The following EFNA5 variants were observed in gnomAD, a reference collection of about 807,000 sequenced individuals.
The protein encoded by EFNA5 is ephrin-A5.
Under a neutral mutation model 22.9 loss-of-function variants are expected in EFNA5, and 5 were observed. That is an observed-to-expected ratio of 0.22 (90% CI 0.11 to 0.46). EFNA5 has a LOEUF of 0.46. Among genes scored for constraint, EFNA5 ranks in the 20% least tolerant of loss-of-function variants. The pLI is 0.99. For synonymous variants in EFNA5, 113 were observed against 112.2 expected (o/e 1.01, Z -0.04); for missense variants, 237 against 293.3 (o/e 0.81, Z 1.40).
At chr5:107,491,062 A>C (rs1746791974) in intron 1 of EFNA5, among the ~76,000 whole-genome samples, 1 of 152,236 alleles carries the variant, frequency 6.6e-6, no homozygotes, top group African/African-American at 2.4e-5. Context: ...TGTGATATGA[A>C]GTGATTTATG....
At chr5:107,399,619 T>G (rs1346903093) in intron 2 of EFNA5, among the ~76,000 whole-genome samples, 1 of 152,154 alleles carries the variant, frequency 6.6e-6, no homozygotes, top group Non-Finnish European at 1.5e-5. Context: ...TGATCACAGG[T>G]AAGGGTGACA....
At chr5:107,650,943 T>C (rs1446116876) in intron 1 of EFNA5, among the ~76,000 whole-genome samples, 2 of 152,240 alleles carry the variant, frequency 1.3e-5, no homozygotes, top group African/African-American at 4.8e-5. Context: ...ATACTAGTTA[T>C]TTGTAGTGGA....
intron 2 of EFNA5, among the ~76,000 whole-genome samples, chr5:107,411,686 C>A (rs1395820613): frequency 6.6e-6 from 1 of 152,170 alleles, no homozygotes; most frequent in Non-Finnish European, 1.5e-5. Flanking sequence ...CTTGGTTGCC[C>A]AGGCTGGAGT....
intron 1 of EFNA5, among the ~76,000 whole-genome samples, chr5:107,556,347 A>C (rs1748414489): frequency 6.6e-6 from 1 of 152,208 alleles, no homozygotes; most frequent in Non-Finnish European, 1.5e-5. Context: ...AACCACCACC[A>C]AAAACCTGCA....
At chr5:107,597,291 A>G (rs1200358850) in intron 1 of EFNA5, among the ~76,000 whole-genome samples, 1 of 152,218 alleles carries the variant, frequency 6.6e-6, no homozygotes, top group African/African-American at 2.4e-5. Flanking sequence ...GCAAAGACAG[A>G]TAACATACAC....
chr5:107,502,512 A>G (rs1747158231), intron 1 of EFNA5, among the ~76,000 whole-genome samples: 1 of 152,200 alleles, frequency 6.6e-6, no homozygotes, highest in African/African-American at 2.4e-5. Context: ...TTTACTCATT[A>G]CATTACGAAG....
intron 2 of EFNA5, among the ~76,000 whole-genome samples, chr5:107,405,033 T>C (rs1748172447): frequency 1.3e-5 from 2 of 152,248 alleles, no homozygotes; most frequent in Non-Finnish European, 2.9e-5. Flanking sequence ...CTTTATGATG[T>C]GCTCCTAAGT....
chr5:107,576,008 C>T (rs761879408), intron 1 of EFNA5, among the ~76,000 whole-genome samples: 2 of 152,112 alleles, frequency 1.3e-5, no homozygotes, highest in Non-Finnish European at 2.9e-5. Context: ...GGAGGAAATG[C>T]CAGGCAAACA....
intron 1 of EFNA5, among the ~76,000 whole-genome samples, chr5:107,636,269 A>G (rs1320818030): frequency 4.6e-5 from 7 of 152,220 alleles, no homozygotes; most frequent in Non-Finnish European, 7.3e-5. Flanking sequence ...AAGTCCTTGA[A>G]TCAAGATGCA....
intron 1 of EFNA5, among the ~76,000 whole-genome samples, chr5:107,597,098 C>T (rs1169909476): frequency 6.6e-6 from 1 of 152,056 alleles, no homozygotes; most frequent in African/African-American, 2.4e-5. Context: ...GAACCACGCA[C>T]ATAAAAACTG....
intron 1 of EFNA5, among the ~76,000 whole-genome samples, chr5:107,650,666 G>A (rs907183790): frequency 1.6e-4 from 25 of 152,134 alleles, no homozygotes; most frequent in African/African-American, 6.0e-4. Context: ...AATAATTTAG[G>A]TTGACTATAG....
chr5:107,670,209 G>A (rs62357862), intron 1 of EFNA5, among the ~76,000 whole-genome samples: 14,875 of 152,062 alleles, frequency 0.098, 855 homozygotes, highest in Middle Eastern at 0.18. Context: ...CCTACTCCCC[G>A]GCTCCCGCCC....
At chr5:107,539,234 G>C (rs567470988) in intron 1 of EFNA5, among the ~76,000 whole-genome samples, 11 of 152,348 alleles carry the variant, frequency 7.2e-5, no homozygotes, top group African/African-American at 2.6e-4. Context: ...ATGCTAAAAA[G>C]AGCTGCACCA....
At chr5:107,495,463 C>T (rs1746951534) in intron 1 of EFNA5, among the ~76,000 whole-genome samples, 1 of 152,236 alleles carries the variant, frequency 6.6e-6, no homozygotes, top group Non-Finnish European at 1.5e-5. Flanking sequence ...TCGCGAGGGT[C>T]CGCGGCCTCA....
chr5:107,396,290 A>C (rs184961655), intron 2 of EFNA5, among the ~76,000 whole-genome samples: 1 of 152,286 alleles, frequency 6.6e-6, no homozygotes, highest in Non-Finnish European at 1.5e-5. Context: ...GTTTTGAGCC[A>C]GCTGCTTAAC....
At chr5:107,382,280 T>C (rs1305437537) in intron 4 of EFNA5, among the ~76,000 whole-genome samples, 1 of 152,242 alleles carries the variant, frequency 6.6e-6, no homozygotes, top group Admixed American at 6.5e-5. Flanking sequence ...GGTTGGAGGC[T>C]TGCCTAGGAG....
intron 1 of EFNA5, among the ~76,000 whole-genome samples, chr5:107,588,364 T>C (rs1411428589): frequency 1.3e-5 from 2 of 152,136 alleles, no homozygotes; most frequent in Non-Finnish European, 2.9e-5. Context: ...GATCTTCTCA[T>C]GATTTTTCTT....
intron 1 of EFNA5, among the ~76,000 whole-genome samples, chr5:107,453,111 G>A (rs1254549922): frequency 1.3e-5 from 2 of 151,828 alleles, no homozygotes; most frequent in Non-Finnish European, 2.9e-5. Flanking sequence ...CTATTTAACT[G>A]GATATTGAAA....
At chr5:107,515,177 G>A (rs1747450553) in intron 1 of EFNA5, among the ~76,000 whole-genome samples, 1 of 151,734 alleles carries the variant, frequency 6.6e-6, no homozygotes, top group Non-Finnish European at 1.5e-5. Flanking sequence ...TGGGATTACA[G>A]GCGACTGAGC....
Sources: gnomAD v4.1 joint callset for allele counts (sites outside exome capture counted in the v4.1 genomes callset) on GRCh38, gnomAD v4.1.1 for gene constraint, MANE v1.5 for transcripts, NCBI Gene and HGNC (gene_info 2026-07-23, HGNC 2026-07-21) for gene names.